The following INPP5B variants were observed in gnomAD, a reference collection of about 807,000 sequenced individuals.
INPP5B encodes the protein inositol polyphosphate-5-phosphatase B.
In INPP5B, 90 loss-of-function variants were observed where a neutral mutation model predicts 118.5. That is an observed-to-expected ratio of 0.76 (90% CI 0.64 to 0.90). The LOEUF is 0.90. Ranked by LOEUF, INPP5B falls within the 40% of genes least tolerant of loss-of-function variation. The pLI is 0.00. For synonymous variants in INPP5B, 385 were observed against 418.9 expected, an observed-to-expected ratio of 0.92 and a Z score of 0.99; for missense variants, 984 against 1,125.6, an observed-to-expected ratio of 0.87 and a Z score of 1.80.
chr1:37,941,870 G>C (rs1379485447), intron 5 of INPP5B, among the ~76,000 whole-genome samples: 1 of 120,836 alleles, frequency 8.3e-6, no homozygotes, highest in African/African-American at 3.0e-5. Context: ...CCCGGGAGGC[G>C]GAGCTTGCAG....
At chr1:37,941,958 A>AAATATATATATATATATATAT (rs1427344681) in intron 5 of INPP5B, 2 of 30,382 alleles carry the variant, frequency 6.6e-5, no homozygotes, top group Non-Finnish European at 1.3e-4. Context: ...AAAAAAAAAA[A>AAATATATATATATATATATAT]ATATATATAT....
Position 37,917,695 on chromosome 1 carries a change from C to T in INPP5B, c.532+14218G>A, listed in dbSNP as rs114822514. On this transcript the variant is annotated intron_variant, in intron 7 of 23. Transcript: ENST00000373024. ...CTGTAATCCCAGCACTTTGGGAGTT[C>T]ACGATGGGAGGATGGCTTGGGACCA... Among the ~76,000 whole-genome samples, 830 of 152,154 alleles carry T rather than the reference C, an allele frequency of 5.5e-3. 7 individuals carry two copies. The highest frequency in any genetic ancestry group is 0.019 in the African/African-American group (789 of 41,504).
chr1:37,878,241 T>C lies in INPP5B; in HGVS notation c.1624A>G (p.Met542Val), dbSNP rs779724529. Residue 542 changes from methionine to valine, a missense_variant, in exon 16 of 24, where the codon ATG becomes GTG. Around this residue, in one of 2 missense-constraint regions of INPP5B, gnomAD observed 634 missense variants for 791.0 expected, o/e 0.80. Coordinates refer to ENST00000373024, the MANE Select transcript of INPP5B (RefSeq NM_005540.3). ...NITQLSYQSH[M>V]ALKTSDHKPV... is the part of the protein sequence containing the mutation. Reference sequence around the variant, plus strand: ...TTGTGGTCACTGGTCTTCAGGGCCATGTGGCTCTGGTAACTCAGCTGAGTG... The same window carrying C: ...TTGTGGTCACTGGTCTTCAGGGCCACGTGGCTCTGGTAACTCAGCTGAGTG... 3.1e-6 allele frequency: 5 copies of C among 1,614,180 alleles called. No homozygotes were observed. The highest frequency in any genetic ancestry group is 4.2e-6 in the Non-Finnish European group (5 of 1,180,032).
In INPP5B at chr1:37,862,645, A is replaced by C. The variant is rs1377249394; in HGVS notation, c.2627-215T>G. Reference sequence around the variant, plus strand: ...CTCCTAAGCTCCTGTACAGCATGTTACTATACTGAATACTACAGGCAATTG... The same window carrying C: ...CTCCTAAGCTCCTGTACAGCATGTTCCTATACTGAATACTACAGGCAATTG... On this transcript the variant is annotated intron_variant, in intron 23 of 23. Coordinates refer to ENST00000373024, the MANE Select transcript of INPP5B (RefSeq NM_005540.3). Among the ~76,000 whole-genome samples, 4 of 152,330 alleles carry C rather than the reference A, an allele frequency of 2.6e-5. No homozygotes were observed. In the East Asian group the frequency reaches 7.7e-4, roughly 29 times the overall value.
rs112742160 is a variant in INPP5B, at chr1:37,932,116, G to A, written c.392-63C>T. The A allele has an allele frequency of 6.9e-3, 10,180 of 1,466,972 alleles. 51 individuals are homozygous for A. The highest frequency in any genetic ancestry group is 7.6e-3 in the Non-Finnish European group (8,446 of 1,110,738). 90.9% of individuals were successfully genotyped at this position (1,466,972 alleles called of 1,614,324 possible). A position where few individuals can be genotyped will look rare whatever the true frequency, so the allele number is the denominator to read the frequency against. ...CTTGAAGAGCCGGCTCTGCATGATT[G>A]TATTATCCCAAGAGACTCCGGCCCT... On this transcript the variant is annotated intron_variant, in intron 6 of 23. Coordinates refer to ENST00000373024, the MANE Select transcript of INPP5B (RefSeq NM_005540.3).
intron 22 of INPP5B, among the ~76,000 whole-genome samples, chr1:37,865,173 A>G (rs1343899681): frequency 6.7e-6 from 1 of 149,806 alleles, no homozygotes; most frequent in East Asian, 2.0e-4. Context: ...ACACAGCAAG[A>G]CTCCATCTCA....
At chr1:37,922,119 T>C (rs972721609) in intron 7 of INPP5B, among the ~76,000 whole-genome samples, 2 of 151,952 alleles carry the variant, frequency 1.3e-5, no homozygotes, top group Non-Finnish European at 1.5e-5. Context: ...GGAGAACCAC[T>C]TGAACATGGG....
intron 7 of INPP5B, chr1:37,931,594 G>T: frequency 1.3e-6 from 2 of 1,538,040 alleles, no homozygotes; most frequent in South Asian, 1.2e-5. Flanking sequence ...CCAAACCGCC[G>T]ACCCTGCCCA....
intron 6 of INPP5B, among the ~76,000 whole-genome samples, chr1:37,934,975 G>A (rs1376596712): frequency 2.0e-5 from 3 of 151,252 alleles, no homozygotes; most frequent in African/African-American, 7.3e-5. Flanking sequence ...CGAGGCGGGC[G>A]GATCACGAGG....
rs1298028031 is a variant in INPP5B at position 37,907,832 on chromosome 1, C to A, written c.533-16378G>T. 6.6e-6 allele frequency among the ~76,000 whole-genome samples: 1 copy of A among 152,092 alleles called. No homozygotes were observed. The highest frequency in any genetic ancestry group is 1.5e-5 in the Non-Finnish European group (1 of 68,010). On this transcript the variant is annotated intron_variant, in intron 7 of 23. Coordinates refer to ENST00000373024, the MANE Select transcript of INPP5B (RefSeq NM_005540.3). The surrounding 1 kb of genome is among the most constrained non-coding windows in gnomAD (Gnocchi z 4.3). Reference sequence around the variant, plus strand: ...GAATAATCTGTCAGGCCTCTGAGCCCAAGCTAAGCCATCATATCCCCTGTG... The same window carrying A: ...GAATAATCTGTCAGGCCTCTGAGCCAAAGCTAAGCCATCATATCCCCTGTG...
intron 7 of INPP5B, among the ~76,000 whole-genome samples, chr1:37,913,767 T>C (rs574106827): frequency 1.3e-5 from 2 of 152,290 alleles, no homozygotes; most frequent in Non-Finnish European, 2.9e-5. Flanking sequence ...TTGTTTTTCT[T>C]ATTAATATAA....
At chr1:37,942,537 T>C (rs1645971574) in intron 5 of INPP5B, among the ~76,000 whole-genome samples, 1 of 152,160 alleles carries the variant, frequency 6.6e-6, no homozygotes, top group Admixed American at 6.5e-5. Flanking sequence ...ATTATTATTG[T>C]TGTATAGCAA....
intron 16 of INPP5B, among the ~76,000 whole-genome samples, chr1:37,876,309 T>A (rs1249150886): frequency 6.6e-6 from 1 of 151,620 alleles, no homozygotes; most frequent in Non-Finnish European, 1.5e-5. Flanking sequence ...TTTTGCCATG[T>A]TGCCCAGGCT....
chr1:37,936,397 G>C (rs550248478), intron 6 of INPP5B, among the ~76,000 whole-genome samples: 3 of 152,268 alleles, frequency 2.0e-5, no homozygotes, highest in Admixed American at 2.0e-4. Flanking sequence ...GAGGCGGGCG[G>C]ATCACCAGAG....
intron 6 of INPP5B, among the ~76,000 whole-genome samples, chr1:37,938,138 G>A (rs981978968): frequency 1.3e-5 from 2 of 150,512 alleles, no homozygotes; most frequent in African/African-American, 4.9e-5. Flanking sequence ...TGGGTGTGGT[G>A]GCATGCGCCT....
intron 22 of INPP5B, chr1:37,864,702 G>A (rs574566050): frequency 3.3e-5 from 8 of 242,446 alleles, no homozygotes; most frequent in Non-Finnish European, 6.4e-5. Context: ...ACTTACAGAG[G>A]TTAATAACTG....
intron 7 of INPP5B, chr1:37,930,303 G>A (rs1156970152): frequency 1.3e-5 from 2 of 152,106 alleles, no homozygotes; most frequent in Non-Finnish European, 2.9e-5. Context: ...TCTGTTTTTT[G>A]AAAGGAAATG....
At chr1:37,915,340 A>G (rs1010387877) in intron 7 of INPP5B, among the ~76,000 whole-genome samples, 2 of 152,264 alleles carry the variant, frequency 1.3e-5, no homozygotes, top group South Asian at 4.1e-4. Context: ...GGCAATACCC[A>G]GTTAATCAAA....
chr1:37,923,020 G>C (rs1645108649), intron 7 of INPP5B, among the ~76,000 whole-genome samples: 1 of 152,186 alleles, frequency 6.6e-6, no homozygotes, highest in African/African-American at 2.4e-5. Flanking sequence ...AAGTGGGCAA[G>C]AGCAAACCAG....
Sources: allele counts gnomAD v4.1 joint callset (sites outside exome capture counted in the v4.1 genomes callset), GRCh38; gene constraint gnomAD v4.1.1; regional missense constraint gnomAD v4.1.1; non-coding constraint Gnocchi (gnomAD v3.1); transcripts MANE v1.5; gene names NCBI Gene and HGNC (gene_info 2026-07-23, HGNC 2026-07-21).